The following TTC39C variants were observed in gnomAD, a reference collection of about 807,000 sequenced individuals.
TTC39C encodes the protein tetratricopeptide repeat protein 39C.
A neutral mutation model predicts 76.3 loss-of-function variants in TTC39C; 33 were observed. The ratio of observed to expected loss-of-function variants is 0.43; its 90% CI spans 0.33 to 0.58. The LOEUF is 0.58. TTC39C is among the 20% of genes least tolerant of loss of function. TTC39C has a pLI of 0.04. For synonymous variants in TTC39C, 254 were observed against 260.6 expected, an observed-to-expected ratio of 0.97 and a Z score of 0.24; for missense variants, 595 against 701.4, an observed-to-expected ratio of 0.85 and a Z score of 1.71.
intron 6 of TTC39C, among the ~76,000 whole-genome samples, chr18:24,105,515 TACAC>T (rs1367004959): frequency 6.6e-6 from 1 of 152,168 alleles, no homozygotes; most frequent in African/African-American, 2.4e-5. Flanking sequence ...TGCCTGCACA[TACAC>T]ATACATGCAC....
chr18:24,131,059 C>CAAAAAAAAAAAAAAAAAAAAAA (rs1599355879), intron 12 of TTC39C, among the ~76,000 whole-genome samples: 1 of 44,304 alleles, frequency 2.3e-5, no homozygotes, highest in East Asian at 7.2e-4. Context: ...AAAAAAAAAT[C>CAAAAAAAAAAAAAAAAAAAAAA]AAAAAACATA....
chr18:24,057,113 A>G (rs1599281792), intron 1 of TTC39C, among the ~76,000 whole-genome samples: 1 of 125,406 alleles, frequency 8.0e-6, no homozygotes, highest in African/African-American at 2.8e-5. Context: ...TGCTTTATCT[A>G]TCTTCTGTTC....
At position 24,003,524 on chromosome 18, in the gene TTC39C, G is replaced by A. The variant is rs7232676; in HGVS notation, c.-17+10486G>A. 9.7e-3 allele frequency among the ~76,000 whole-genome samples: 1,471 copies of A among 152,278 alleles called. 16 individuals carry two copies. Among genetic ancestry groups the A allele is most frequent in the Middle Eastern group, 0.061 (18 of 294 alleles). On this transcript the variant is annotated intron_variant, in intron 1 of 13. Coordinates refer to the TTC39C transcript ENST00000304621. Reference sequence around the variant, plus strand: ...CTGTTGAACTGAACTGGTCCTTGTCGTAGGTCAAATATGATGGTGTTTCTG... The same window carrying A: ...CTGTTGAACTGAACTGGTCCTTGTCATAGGTCAAATATGATGGTGTTTCTG...
At chr18:24,053,924 G>A (rs1046398461) in intron 1 of TTC39C, among the ~76,000 whole-genome samples, 3 of 152,136 alleles carry the variant, frequency 2.0e-5, no homozygotes, top group African/African-American at 7.2e-5. Context: ...GCTAAGTAGA[G>A]AGATTTCACA....
intron 7 of TTC39C, among the ~76,000 whole-genome samples, chr18:24,117,169 C>T (rs77326951): frequency 0.019 from 2,902 of 152,110 alleles, 103 homozygotes; most frequent in African/African-American, 0.066. Context: ...GATTAGAGAG[C>T]GTTACATGAA....
intron 1 of TTC39C, among the ~76,000 whole-genome samples, chr18:24,021,060 CT>C (rs1315844234): frequency 6.6e-6 from 1 of 152,134 alleles, no homozygotes; most frequent in Admixed American, 6.5e-5. Flanking sequence ...ACCTGGTCTC[CT>C]TTCCCAGGGT....
chr18:23,998,618 A>G (rs1403608759), intron 1 of TTC39C, among the ~76,000 whole-genome samples: 2 of 152,022 alleles, frequency 1.3e-5, no homozygotes, highest in African/African-American at 4.8e-5. Context: ...TCAAAAATAT[A>G]TAATAATAAT....
At chr18:24,051,767 A>G (rs147643456) in intron 1 of TTC39C, among the ~76,000 whole-genome samples, 37 of 152,360 alleles carry the variant, frequency 2.4e-4, no homozygotes, top group African/African-American at 8.9e-4. Context: ...AAGCAGTTTT[A>G]CAGGTTCAGG....
At chr18:24,081,392 G>A (rs992606954) in intron 5 of TTC39C, among the ~76,000 whole-genome samples, 4 of 152,032 alleles carry the variant, frequency 2.6e-5, no homozygotes, top group African/African-American at 9.7e-5. Flanking sequence ...GTGCTCTTTC[G>A]CTAAACTGAG....
At chr18:24,023,960 A>ATATATATACG (rs2083551782) in intron 1 of TTC39C, among the ~76,000 whole-genome samples, 1 of 17,954 alleles carries the variant, frequency 5.6e-5, no homozygotes, top group Admixed American at 5.1e-4. Context: ...GTATATATAT[A>ATATATATACG]TATATATATA....
At chr18:24,022,755 A>G in intron 1 of TTC39C, 1 of 985,168 alleles carries the variant, frequency 1.0e-6, no homozygotes, top group Non-Finnish European at 1.2e-6. Flanking sequence ...CTGGCCTCCG[A>G]TGTCCTGTGA....
intron 1 of TTC39C, among the ~76,000 whole-genome samples, chr18:24,060,317 T>TG (rs1334016305): frequency 7.1e-6 from 1 of 140,400 alleles, no homozygotes; most frequent in Non-Finnish European, 1.5e-5. Flanking sequence ...GTTTCTGTTT[T>TG]TTTTTTTTTT....
At chr18:24,092,564 G>A (rs886096119) in intron 6 of TTC39C, among the ~76,000 whole-genome samples, 1 of 152,188 alleles carries the variant, frequency 6.6e-6, no homozygotes, top group South Asian at 2.1e-4. Context: ...AAGGAATGAA[G>A]TACAGATACA....
chr18:24,024,022 T>G (rs1274157925), intron 1 of TTC39C, among the ~76,000 whole-genome samples: 1 of 49,292 alleles, frequency 2.0e-5, no homozygotes, highest in Non-Finnish European at 3.9e-5. Flanking sequence ...ATATATTTTT[T>G]TTTTTTTTTG....
intron 2 of TTC39C, among the ~76,000 whole-genome samples, chr18:24,065,459 C>A (rs1404481209): frequency 1.3e-5 from 2 of 152,266 alleles, no homozygotes; most frequent in South Asian, 2.1e-4. Context: ...TTGAAAAAGT[C>A]CACCAGGATC....
chr18:24,019,915 C>G, intron 1 of TTC39C: 1 of 1,522,626 alleles, frequency 6.6e-7, no homozygotes, highest in Non-Finnish European at 8.7e-7. Flanking sequence ...AACTCAAAGG[C>G]GCTTGTAAGA....
intron 4 of TTC39C, among the ~76,000 whole-genome samples, chr18:24,075,934 A>G (rs1334155358): frequency 6.6e-6 from 1 of 152,148 alleles, no homozygotes; most frequent in Non-Finnish European, 1.5e-5. Flanking sequence ...CTGTCCCCGT[A>G]TGGGGCAGGG....
At chr18:24,132,017 T>C in intron 13 of TTC39C, 97 bp downstream of exon 13, 1 of 1,191,944 alleles carries the variant, frequency 8.4e-7, no homozygotes, top group South Asian at 1.5e-5. Flanking sequence ...AATGATGTTC[T>C]GGTTGGTAAT....
In TTC39C at chr18:24,082,899, C is replaced by G; in HGVS notation, c.816-14C>G. On this transcript the variant is annotated splice_polypyrimidine_tract_variant and intron_variant, in intron 5 of 13. Transcript: ENST00000317571. ...AAGTTAATGTGCTCAATGTTTCTCT[C>G]CCTCTTCCTCTAGATTAGCTCTGCT... is the stretch of plus-strand genomic sequence containing the variant. The G allele has an allele frequency of 1.9e-6, 3 of 1,570,146 alleles. No homozygotes were observed. The highest frequency in any genetic ancestry group is 2.6e-6 in the Non-Finnish European group (3 of 1,155,206).
Sources: gnomAD v4.1 joint callset for allele counts (sites outside exome capture counted in the v4.1 genomes callset) on GRCh38, gnomAD v4.1.1 for gene constraint, MANE v1.5 for transcripts, NCBI Gene and HGNC (gene_info 2026-07-23, HGNC 2026-07-21) for gene names.